The following HIP1 variants were observed in gnomAD, a reference collection of about 807,000 sequenced individuals.
HIP1 encodes the protein huntingtin interacting protein 1.
Under a neutral mutation model 147.6 loss-of-function variants are expected in HIP1, and 65 were observed. The ratio of observed to expected loss-of-function variants is 0.44; its 90% CI spans 0.36 to 0.54. The LOEUF is 0.54. Among genes scored for constraint, HIP1 ranks in the 20% least tolerant of loss-of-function variants. HIP1 has a pLI of 0.00. For synonymous variants in HIP1, 479 were observed against 504.0 expected (o/e 0.95, Z 0.67); for missense variants, 1,061 against 1,299.6 (o/e 0.82, Z 2.82).
In HIP1 at chr7:75,738,840, C is replaced by T; in HGVS notation, c.81G>A (p.Gly27=). Residue 27 remains glycine (G), a synonymous_variant, in exon 1 of 31, where the codon GGG becomes GGA. Transcript: ENST00000336926. ...AGCTCTCGCGCTCCGCCGCCTCCAG[C>T]CCAGCGCCGACCCCGCGCCGGCTCA... ...KVLSRRGVGA[G]LEAAERESFE... The T allele has an allele frequency of 6.3e-7, 1 of 1,595,664 alleles. No individual in the cohort carries two copies. The highest frequency in any genetic ancestry group is 8.5e-7 in the Non-Finnish European group (1 of 1,173,022).
intron 14 of HIP1, 135 bp from the exon 15 acceptor site, chr7:75,558,390 G>A: frequency 2.8e-6 from 2 of 706,658 alleles, no homozygotes; most frequent in East Asian, 5.2e-5. Context: ...AGGCTGGGGT[G>A]CAGTGGCACA....
chr7:75,681,351 G>A (rs1800061005), intron 1 of HIP1, among the ~76,000 whole-genome samples: 1 of 151,810 alleles, frequency 6.6e-6, no homozygotes, highest in African/African-American at 2.4e-5. Flanking sequence ...TGCACATGCT[G>A]GGACCACCAC....
rs1554497124 is a variant in HIP1 at position 75,573,825 on chromosome 7, C to T, written c.681G>A (p.Gln227=). Residue 227 remains glutamine, a synonymous_variant, in exon 8 of 31, where the codon CAG becomes CAA. Coordinates refer to ENST00000336926, the MANE Select transcript of HIP1 (RefSeq NM_005338.7). ...AAAGGTGGCTGCAGTCCAAGATGAC[C>T]TGGATCAGCGGGGCGAGGCGGCACT... The part of the protein sequence containing the change: ...AGQCRLAPLI[Q]VILDCSHLYD... The T allele has an allele frequency of 6.2e-7, 1 of 1,614,168 alleles. No individual in the cohort carries two copies. The highest frequency in any genetic ancestry group is 2.2e-5 in the East Asian group (1 of 44,882).
chr7:75,722,834 A>T (rs1200255451), intron 1 of HIP1, among the ~76,000 whole-genome samples: 2 of 152,022 alleles, frequency 1.3e-5, no homozygotes, highest in Non-Finnish European at 2.9e-5. Context: ...GCTCAGCAGG[A>T]AAAAAAATGT....
intron 1 of HIP1, chr7:75,626,044 CCA>C (rs1166030399): frequency 6.6e-6 from 1 of 152,092 alleles, no homozygotes; most frequent in Non-Finnish European, 1.5e-5. Flanking sequence ...CAGGTTCTTG[CCA>C]GTCACTGAAT....
In HIP1 at chr7:75,676,923, G is replaced by T. The variant is rs2117259867; in HGVS notation, c.120+61878C>A. On this transcript the variant is annotated intron_variant, in intron 1 of 30. Transcript: ENST00000336926. The stretch of plus-strand genomic sequence containing the variant: ...AATACGCAACAAATGGGCCAAGTGT[G>T]GGGGCTCACACCTGTAACCCCAGCA... Among the ~76,000 whole-genome samples the T allele has an allele frequency of 2.0e-5, 3 of 152,084 alleles. 1 individual carries two copies. The highest frequency in any genetic ancestry group is 6.8e-3 in the Middle Eastern group (2 of 294).
chr7:75,719,420 C>T (rs1026748849), intron 1 of HIP1, among the ~76,000 whole-genome samples: 2 of 151,000 alleles, frequency 1.3e-5, no homozygotes, highest in African/African-American at 4.9e-5. Flanking sequence ...AGGAGAATGG[C>T]GGGAACCCGG....
intron 1 of HIP1, among the ~76,000 whole-genome samples, chr7:75,616,010 T>C (rs1439848265): frequency 1.5e-5 from 2 of 130,288 alleles, no homozygotes; most frequent in Non-Finnish European, 3.1e-5. Flanking sequence ...CGCTTGAACC[T>C]GGGATGTGGA....
At chr7:75,665,471 G>A (rs555802924) in intron 1 of HIP1, among the ~76,000 whole-genome samples, 1 of 152,258 alleles carries the variant, frequency 6.6e-6, no homozygotes, top group East Asian at 1.9e-4. Flanking sequence ...CCAGTGGGAT[G>A]TGGAGGCCAT....
chr7:75,709,488 C>A (rs574963803), intron 1 of HIP1, among the ~76,000 whole-genome samples: 1 of 152,098 alleles, frequency 6.6e-6, no homozygotes, highest in Non-Finnish European at 1.5e-5. Flanking sequence ...GTTCATTGTT[C>A]ATGTTTAAAA....
chr7:75,650,361 G>C lies in HIP1; in HGVS notation c.121-51114C>G, dbSNP rs540860195. ...AATTTGGAGCACCCTTAATGGCCCA[G>C]TTCAGGAGCTGCCAGCCTTGTACTG... is the stretch of plus-strand genomic sequence containing the variant. On this transcript the variant is annotated intron_variant, in intron 1 of 30. Coordinates refer to ENST00000336926, the MANE Select transcript of HIP1 (RefSeq NM_005338.7). 1.7e-3 allele frequency among the ~76,000 whole-genome samples: 255 copies of C among 152,154 alleles called. 2 individuals carry two copies. The highest frequency in any genetic ancestry group is 6.0e-3 in the African/African-American group (251 of 41,502).
intron 1 of HIP1, among the ~76,000 whole-genome samples, chr7:75,716,831 G>T (rs574999932): frequency 2.2e-5 from 3 of 136,866 alleles, no homozygotes; most frequent in Non-Finnish European, 4.5e-5. Context: ...TTTTTAGGGG[G>T]GGGGAAAGGA....
intron 1 of HIP1, among the ~76,000 whole-genome samples, chr7:75,673,907 G>A (rs782656286): frequency 6.6e-6 from 1 of 151,734 alleles, no homozygotes; most frequent in Non-Finnish European, 1.5e-5. Flanking sequence ...AATCACTTTA[G>A]CCCAGGAGGT....
At chr7:75,538,644 G>A (rs971879657) in intron 30 of HIP1, among the ~76,000 whole-genome samples, 17 of 145,302 alleles carry the variant, frequency 1.2e-4, no homozygotes, top group African/African-American at 4.4e-4. Context: ...GCGCGATCTC[G>A]GCTCACTGCA....
At position 75,701,944 on chromosome 7, in the gene HIP1, T is replaced by G. The variant is rs1800844126; in HGVS notation, c.120+36857A>C. The stretch of plus-strand genomic sequence containing the variant: ...ATTTATTTATTTATTATTTATATAT[T>G]TTTTGGACAGAGTCTCGCTCTGTCG... On this transcript the variant is annotated intron_variant, in intron 1 of 30. Transcript: ENST00000336926. 2.6e-5 allele frequency among the ~76,000 whole-genome samples: 4 copies of G among 151,864 alleles called. No homozygotes were observed. In the Middle Eastern group the frequency reaches 0.01, roughly 387 times the overall value.
At chr7:75,685,570 C>T (rs1408656908) in intron 1 of HIP1, among the ~76,000 whole-genome samples, 10 of 152,286 alleles carry the variant, frequency 6.6e-5, no homozygotes, top group South Asian at 6.2e-4. Flanking sequence ...TTTTGTGAGA[C>T]GAAGTCTCGC....
chr7:75,542,511 T>C (rs587597750), intron 28 of HIP1, among the ~76,000 whole-genome samples: 9 of 151,094 alleles, frequency 6.0e-5, no homozygotes, highest in Admixed American at 2.0e-4. Flanking sequence ...CCAGCTTGGC[T>C]AACATAGTGA....
intron 1 of HIP1, among the ~76,000 whole-genome samples, chr7:75,600,538 A>G (rs1351255865): frequency 1.3e-5 from 2 of 152,114 alleles, no homozygotes; most frequent in Non-Finnish European, 2.9e-5. Context: ...TTCTGTTTTG[A>G]TGTCATTCTA....
intron 1 of HIP1, among the ~76,000 whole-genome samples, chr7:75,610,528 G>T (rs1554504680): frequency 2.0e-5 from 3 of 149,636 alleles, no homozygotes; most frequent in African/African-American, 7.4e-5. Flanking sequence ...CTCTTTTTTT[G>T]AATTCCTATT....
Sources: gnomAD v4.1 joint callset for allele counts (sites outside exome capture counted in the v4.1 genomes callset) on GRCh38, gnomAD v4.1.1 for gene constraint, MANE v1.5 for transcripts, NCBI Gene and HGNC (gene_info 2026-07-23, HGNC 2026-07-21) for gene names.